OR9Q1: variants seen among roughly 807,000 people sequenced by gnomAD.
The protein encoded by OR9Q1 is olfactory receptor family 9 subfamily Q member 1.
For missense variants in OR9Q1, 374 were observed against 378.8 expected (o/e 0.99, Z 0.11); for synonymous variants, 153 against 148.6 (o/e 1.03, Z -0.22).
chr11:58,043,755 A>G (rs1192690629), intron 1 of OR9Q1, among the ~76,000 whole-genome samples: 1 of 152,118 alleles, frequency 6.6e-6, no homozygotes, highest in African/African-American at 2.4e-5. Flanking sequence ...AATTGTTCCA[A>G]CGTGCTTTCA....
intron 1 of OR9Q1, among the ~76,000 whole-genome samples, chr11:58,038,026 C>A (rs987504334): frequency 0.029 from 2 of 70 alleles, no homozygotes; most frequent in Non-Finnish European, 0.062. Flanking sequence ...CTACCGCGCC[C>A]GGCCAGAATA....
At chr11:58,061,263 GC>G (rs1218242003) in intron 2 of OR9Q1, among the ~76,000 whole-genome samples, 1 of 152,184 alleles carries the variant, frequency 6.6e-6, no homozygotes, top group East Asian at 1.9e-4. Flanking sequence ...CCTATATTGG[GC>G]AAAATTACAC....
chr11:58,164,919 A>T (rs1163924615), intron 2 of OR9Q1, among the ~76,000 whole-genome samples: 1 of 152,164 alleles, frequency 6.6e-6, no homozygotes, highest in Non-Finnish European at 1.5e-5. Context: ...AGATGTCTGT[A>T]TAACTTGCTC....
rs142281927 is a variant in OR9Q1, at chr11:58,150,526, C to T, written c.-14-28905C>T. ...CACCACATAAGGATATTTCAATCAA[C>T]GATGGATCACACATCAATGACGGTT... On this transcript the variant is annotated intron_variant, in intron 2 of 2. Transcript: ENST00000335397. Among the ~76,000 whole-genome samples, 139 of 152,282 alleles carry T rather than the reference C, an allele frequency of 9.1e-4. No individual in the cohort carries two copies. The Middle Eastern group carries it at 0.01, about 11-fold the overall frequency.
chr11:58,129,456 T>C (rs531322821), intron 2 of OR9Q1, among the ~76,000 whole-genome samples: 3 of 152,258 alleles, frequency 2.0e-5, no homozygotes, highest in South Asian at 2.1e-4. Context: ...AAACCTTCCA[T>C]TGGCTTCCCA....
chr11:58,032,377 G>T (rs1229335188), intron 1 of OR9Q1, among the ~76,000 whole-genome samples: 1 of 152,106 alleles, frequency 6.6e-6, no homozygotes, highest in Non-Finnish European at 1.5e-5. Context: ...ATACTATAAG[G>T]CTACAGTAAC....
chr11:58,164,114 G>A (rs74330776), intron 2 of OR9Q1, among the ~76,000 whole-genome samples: 59 of 152,304 alleles, frequency 3.9e-4, no homozygotes, highest in East Asian at 3.5e-3. Context: ...GGAGCCTGCA[G>A]ACAGAGGATA....
chr11:58,177,660 C>T (rs938500275), intron 2 of OR9Q1, among the ~76,000 whole-genome samples: 2 of 152,122 alleles, frequency 1.3e-5, no homozygotes, highest in African/African-American at 2.4e-5. Flanking sequence ...TTATGGGCTT[C>T]GTGACTGTTG....
chr11:58,137,242 A>C (rs1185309121), intron 2 of OR9Q1, among the ~76,000 whole-genome samples: 1 of 152,228 alleles, frequency 6.6e-6, no homozygotes, highest in African/African-American at 2.4e-5. Context: ...GGGCAAAGGG[A>C]AAGTACAGGT....
rs59902083 is a variant in OR9Q1, at chr11:58,129,236, CGTGTGTGTGT to C, written c.-14-50166_-14-50157del. On this transcript the variant is annotated intron_variant, in intron 2 of 2. Coordinates refer to ENST00000335397, the MANE Select transcript of OR9Q1 (RefSeq NM_001005212.4). ...CCACAAAGGGCCAGGCAGAGCAATT[CGTGTGTGTGT>C]GTGTGTGTGTGTGTGTGTGTGTGTG... Among the ~76,000 whole-genome samples the C allele has an allele frequency of 1.3e-3, 194 of 144,860 alleles. 1 individual carries two copies. Among genetic ancestry groups the C allele is most frequent in the Non-Finnish European group, 1.9e-3 (125 of 66,268 alleles).
intron 2 of OR9Q1, among the ~76,000 whole-genome samples, chr11:58,158,975 G>A (rs1293643322): frequency 1.3e-5 from 2 of 152,232 alleles, no homozygotes; most frequent in African/African-American, 2.4e-5. Context: ...TAACTTGGCT[G>A]CATTTTTGCC....
chr11:58,144,217 C>A (rs1854278114), intron 2 of OR9Q1, among the ~76,000 whole-genome samples: 2 of 137,140 alleles, frequency 1.5e-5, no homozygotes, highest in African/African-American at 5.4e-5. Flanking sequence ...TGTGATGTTC[C>A]CCTTCCTGTG....
Position 58,179,586 on chromosome 11 carries a change from C to T in OR9Q1, c.142C>T (p.Leu48=). Residue 48 remains leucine, a synonymous_variant, in exon 3 of 3, where the codon CTG becomes TTG. Transcript: ENST00000335397. ...TVLGNLEMII[L]ILMDHQLHAP... is the part of the protein sequence containing the mutation. ...ATTGGGGAACTTAGAGATGATTATT[C>T]TGATCCTCATGGATCACCAGCTCCA... 6.2e-7 allele frequency: 1 copy of T among 1,613,780 alleles called. No homozygotes were observed. Among genetic ancestry groups the T allele is most frequent in the Non-Finnish European group, 8.5e-7 (1 of 1,179,820 alleles).
At chr11:58,093,756 T>A (rs1234491769) in intron 2 of OR9Q1, among the ~76,000 whole-genome samples, 7 of 76,810 alleles carry the variant, frequency 9.1e-5, no homozygotes, top group African/African-American at 3.8e-4. Flanking sequence ...CGAGACTTCA[T>A]CTCAAAAAAA....
intron 1 of OR9Q1, chr11:58,047,643 G>A (rs975545255): frequency 5.3e-5 from 8 of 151,700 alleles, no homozygotes; most frequent in African/African-American, 1.9e-4. Flanking sequence ...GGAGGCAGAG[G>A]CAGGCAGATC....
At chr11:58,104,349 G>GTT (rs3085869) in intron 2 of OR9Q1, among the ~76,000 whole-genome samples, 1 of 146,114 alleles carries the variant, frequency 6.8e-6, no homozygotes, top group African/African-American at 2.5e-5. Flanking sequence ...TTGGATGGTA[G>GTT]TTTTTTTTTT....
chr11:58,136,859 G>A (rs1854194166), intron 2 of OR9Q1, among the ~76,000 whole-genome samples: 1 of 152,154 alleles, frequency 6.6e-6, no homozygotes, highest in African/African-American at 2.4e-5. Context: ...TCATTATTTT[G>A]GGATTTTGGT....
intron 2 of OR9Q1, among the ~76,000 whole-genome samples, chr11:58,137,266 C>T (rs879332958): frequency 3.9e-5 from 6 of 152,052 alleles, no homozygotes; most frequent in East Asian, 1.9e-4. Context: ...CAGACAATAA[C>T]GAGGAGCTGG....
chr11:58,075,373 A>T (rs1247328882), intron 2 of OR9Q1: 2 of 152,124 alleles, frequency 1.3e-5, no homozygotes, highest in African/African-American at 4.8e-5. Context: ...CGAAGACTTT[A>T]TTAAAGCAGA....
Sources: allele counts gnomAD v4.1 joint callset (sites outside exome capture counted in the v4.1 genomes callset), GRCh38; gene constraint gnomAD v4.1.1; transcripts MANE v1.5; gene names NCBI Gene and HGNC (gene_info 2026-07-23, HGNC 2026-07-21).